The following MED13 variants were observed in gnomAD, a reference collection of about 807,000 sequenced individuals.
MED13 encodes mediator of RNA polymerase II transcription subunit 13.
In MED13, 23 loss-of-function variants were observed where a neutral mutation model predicts 225.2. The observed-to-expected ratio is 0.10, with a 90% CI of 0.07 to 0.14. The LOEUF is 0.14. Ranked by LOEUF, MED13 falls within the 10% of genes least tolerant of loss-of-function variation. MED13 has a pLI of 1.00. For missense variants in MED13, 2,197 were observed against 2,594.5 expected, an observed-to-expected ratio of 0.85 and a Z score of 3.33; for synonymous variants, 942 against 889.2, an observed-to-expected ratio of 1.06 and a Z score of -1.06.
In MED13 at chr17:62,011,161, T is replaced by C. The variant is rs1480172932; in HGVS notation, c.1356A>G (p.Ile452Met). ...QAPSLGQQQQ[I>M]LPKHKTNEKQ... ...TCTCATTGGTCTTGTGCTTAGGAAG[T>C]ATTTGTTGTTGCTGACCTAAAGATG... The change falls in exon 9 of 30, where the codon ATA (isoleucine) becomes ATG (methionine). Residue 452 changes from isoleucine (I) to methionine (M), a missense_variant. Ile to Met is a conservative substitution (Grantham distance 10). This residue lies in a region of MED13 where 884 missense variants were observed against 918.5 expected (regional missense o/e 0.96). Coordinates refer to ENST00000397786, the MANE Select transcript of MED13 (RefSeq NM_005121.3). 3 of 1,614,102 alleles carry C rather than the reference T, an allele frequency of 1.9e-6. No homozygotes were observed. The highest frequency in any genetic ancestry group is 3.3e-5 in the Admixed American group (2 of 60,002).
At position 62,031,310 on chromosome 17, in the gene MED13, T is replaced by C. The variant is rs1385472868; in HGVS notation, c.1009+134A>G. The C allele has an allele frequency of 8.1e-6, 6 of 743,182 alleles. No homozygotes were observed. In the African/African-American group the frequency reaches 1.1e-4, roughly 14 times the overall value. 46.0% of individuals were successfully genotyped at this position (743,182 alleles called of 1,614,324 possible). ...AATAATAACAGTTTGGAAATATGGC[T>C]AAGGAAATTACTTGTACTACACTTG... is the stretch of plus-strand genomic sequence containing the variant. On this transcript the variant is annotated intron_variant, in intron 6 of 29. Coordinates refer to ENST00000397786, the MANE Select transcript of MED13 (RefSeq NM_005121.3).
At chr17:61,975,063 G>A (rs374122776) in intron 16 of MED13, among the ~76,000 whole-genome samples, 2 of 152,040 alleles carry the variant, frequency 1.3e-5, no homozygotes, top group East Asian at 3.9e-4. Context: ...AGCTACTTGG[G>A]GAGGCTGCAG....
At chr17:62,009,405 T>C (rs1260780026) in intron 9 of MED13, among the ~76,000 whole-genome samples, 5 of 151,094 alleles carry the variant, frequency 3.3e-5, no homozygotes, top group African/African-American at 1.2e-4. Flanking sequence ...AAAAGAAAAA[T>C]GGACTAAAAA....
rs1603394620 is a variant in MED13 at position 61,972,745 on chromosome 17, C to A, written c.3949G>T (p.Ala1317Ser). 1 of 1,610,894 alleles carries A rather than the reference C, an allele frequency of 6.2e-7. No individual in the cohort carries two copies. The highest frequency in any genetic ancestry group is 1.3e-5 in the African/African-American group (1 of 74,792). Reference protein sequence around the residue: ...PLTWQQFHKMAGRGSYGTDES... With the variant: ...PLTWQQFHKMSGRGSYGTDES... Reference sequence around the variant, plus strand: ...TACTTACCATAAGAGCCTCGGCCAGCCATTTTATGAAATTGTTGCCAAGTG... The same window carrying A: ...TACTTACCATAAGAGCCTCGGCCAGACATTTTATGAAATTGTTGCCAAGTG... The change falls in exon 17 of 30, where the codon GCT becomes TCT. Residue 1317 changes from alanine (A) to serine (S), a missense_variant. Coordinates refer to ENST00000397786, the MANE Select transcript of MED13 (RefSeq NM_005121.3).
rs377276211 is a variant in MED13 at position 61,942,658 on chromosome 17, T to G, written c.*3810A>C. The G allele has an allele frequency of 6.7e-6, 1 of 148,444 alleles. No homozygotes were observed. The highest frequency in any genetic ancestry group is 6.7e-5 in the Admixed American group (1 of 14,922). 9.2% of individuals were successfully genotyped at this position (148,444 alleles called of 1,614,324 possible). A position where few individuals can be genotyped will look rare whatever the true frequency, so the allele number is the denominator to read the frequency against. ...TTGAAGTTTTGTTTTTTGTTTTTGT[T>G]TTTTTTTTTTTAAAAAGTATAAACC... On this transcript the variant is annotated 3_prime_UTR_variant, in exon 30 of 30. Transcript: ENST00000397786.
At chr17:62,011,777 C>A (rs927904199) in intron 8 of MED13, among the ~76,000 whole-genome samples, 1 of 152,176 alleles carries the variant, frequency 6.6e-6, no homozygotes, top group African/African-American at 2.4e-5. Flanking sequence ...TACCTACCTT[C>A]TCCAAATACT....
At chr17:62,063,934 G>A (rs776674726) in intron 1 of MED13, among the ~76,000 whole-genome samples, 1 of 152,212 alleles carries the variant, frequency 6.6e-6, no homozygotes, top group Non-Finnish European at 1.5e-5. Flanking sequence ...CATGTGAAGA[G>A]ATGCTGATTA....
At chr17:61,966,703 G>T in intron 18 of MED13, 52 bp from the exon 19 acceptor site, 1 of 1,266,428 alleles carries the variant, frequency 7.9e-7, no homozygotes, top group Non-Finnish European at 1.1e-6. Flanking sequence ...ATTGTATTTA[G>T]ATACACATTA....
chr17:61,999,548 T>C (rs2080376058), intron 9 of MED13, among the ~76,000 whole-genome samples: 1 of 152,216 alleles, frequency 6.6e-6, no homozygotes, highest in South Asian at 2.1e-4. Flanking sequence ...GTATCTTATA[T>C]ATGGGTTATG....
At chr17:61,953,565 G>C (rs1205276581) in intron 26 of MED13, among the ~76,000 whole-genome samples, 3 of 152,322 alleles carry the variant, frequency 2.0e-5, no homozygotes, top group East Asian at 3.9e-4. Flanking sequence ...GCCAAGGAAT[G>C]CAAGTAGCCT....
intron 2 of MED13, among the ~76,000 whole-genome samples, chr17:62,062,602 A>ACACACACACACACACAC (rs1416499228): frequency 4.0e-5 from 1 of 25,028 alleles, no homozygotes; most frequent in African/African-American, 2.4e-4. Flanking sequence ...CACACACACC[A>ACACACACACACACACAC]CACACACACA....
intron 2 of MED13, among the ~76,000 whole-genome samples, chr17:62,059,100 C>A (rs2081018172): frequency 1.3e-5 from 2 of 151,862 alleles, no homozygotes; most frequent in Non-Finnish European, 2.9e-5. Context: ...CCTAAGGAGA[C>A]ATGACAATTA....
At chr17:62,016,733 G>C (rs978290054) in intron 8 of MED13, among the ~76,000 whole-genome samples, 2 of 152,280 alleles carry the variant, frequency 1.3e-5, no homozygotes, top group African/African-American at 4.8e-5. Flanking sequence ...ATTGGGCTGG[G>C]CATGGTGGCT....
intron 23 of MED13, 92 bp downstream of exon 23, chr17:61,960,775 T>C (rs969511190): frequency 1.0e-5 from 9 of 893,336 alleles, no homozygotes; most frequent in East Asian, 5.3e-5. Flanking sequence ...TTTTAATATA[T>C]ATAAAACCTT....
In MED13 at chr17:62,052,591, A is replaced by G; in HGVS notation, c.416T>C (p.Ile139Thr). ...ATAAGGCTTTACAAACCACTTGCCAATACGTACAAAATTCCTGTTCATTAA... is the reference window on the plus strand; with the variant it reads ...ATAAGGCTTTACAAACCACTTGCCAGTACGTACAAAATTCCTGTTCATTAA... The part of the protein sequence containing the change: ...RCLMNRNFVR[I>T]GKWFVKPYEK... The change falls in exon 3 of 30, where the codon ATT becomes ACT. Residue 139 changes from isoleucine to threonine, a missense_variant. This residue lies in a region of MED13 where 884 missense variants were observed against 918.5 expected (regional missense o/e 0.96). Transcript: ENST00000397786. 4.4e-6 allele frequency: 7 copies of G among 1,599,584 alleles called. No individual in the cohort carries two copies. The highest frequency in any genetic ancestry group is 6.0e-6 in the Non-Finnish European group (7 of 1,171,916).
At chr17:61,962,516 G>A (rs925502432) in intron 21 of MED13, among the ~76,000 whole-genome samples, 3 of 152,140 alleles carry the variant, frequency 2.0e-5, no homozygotes, top group Non-Finnish European at 4.4e-5. Flanking sequence ...TAACACAGGA[G>A]AAACATTTAA....
intron 8 of MED13, among the ~76,000 whole-genome samples, chr17:62,028,505 C>T (rs944995312): frequency 6.6e-6 from 1 of 151,928 alleles, no homozygotes; most frequent in African/African-American, 2.4e-5. Flanking sequence ...CATGACTTTA[C>T]CTATTTCACA....
intron 9 of MED13, among the ~76,000 whole-genome samples, chr17:62,001,311 A>G (rs892765687): frequency 4.6e-5 from 7 of 152,170 alleles, no homozygotes; most frequent in East Asian, 1.9e-4. Context: ...CACAGCATCT[A>G]TAACATTCAT....
rs73334666 is a variant in MED13 at position 61,962,307 on chromosome 17, A to T, written c.5064+445T>A. Among the ~76,000 whole-genome samples the T allele has an allele frequency of 2.9e-3, 442 of 152,122 alleles. 3 individuals are homozygous for T. Among genetic ancestry groups the T allele is most frequent in the African/African-American group, 0.01 (416 of 41,518 alleles). ...CTCAGAAAAAAAACAACAACAAAAA[A>T]CTGTAAAATTTTCTATATAACAATT... On this transcript the variant is annotated intron_variant, in intron 21 of 29. Transcript: ENST00000397786.
Sources: allele counts gnomAD v4.1 joint callset (sites outside exome capture counted in the v4.1 genomes callset), GRCh38; gene constraint gnomAD v4.1.1; regional missense constraint gnomAD v4.1.1; transcripts MANE v1.5; gene names NCBI Gene and HGNC (gene_info 2026-07-23, HGNC 2026-07-21).